The following ZNF875 variants were observed in gnomAD, a reference collection of about 807,000 sequenced individuals.
ZNF875 encodes HKR1, GLI-Kruppel zinc finger family member.
In ZNF875, 14 loss-of-function variants were observed where a neutral mutation model predicts 11.2. The ratio of observed to expected loss-of-function variants is 1.26; its 90% CI spans 0.83 to 1.96. ZNF875 has a LOEUF of 1.96. Among genes scored for constraint, ZNF875 ranks in the 30% most tolerant of loss-of-function variants. The pLI is 0.00. For synonymous variants in ZNF875, 301 were observed against 281.1 expected (o/e 1.07, Z -0.71); for missense variants, 752 against 760.4 (o/e 0.99, Z 0.13).
upstream of ZNF875, chr19:37,334,550 C>T (rs1599944294): frequency 2.7e-6 from 1 of 371,062 alleles, no homozygotes; most frequent in Non-Finnish European, 5.4e-6. Context: ...AAGCCGACTT[C>T]TCCGCCTCTG....
At chr19:37,361,047 ACTT>A (rs1431260662) in intron 4 of ZNF875, among the ~76,000 whole-genome samples, 1 of 148,726 alleles carries the variant, frequency 6.7e-6, no homozygotes, top group Non-Finnish European at 1.5e-5. Flanking sequence ...GATTTTTTTT[ACTT>A]CTTCCTTTCT....
chr19:37,360,606 CAAT>C (rs1327469361), intron 4 of ZNF875, among the ~76,000 whole-genome samples: 2 of 152,134 alleles, frequency 1.3e-5, no homozygotes, highest in East Asian at 3.8e-4. Context: ...CTTCATTCAA[CAAT>C]GTTTGTTAAT....
chr19:37,361,100 T>G (rs1361536345), intron 4 of ZNF875, among the ~76,000 whole-genome samples: 1 of 150,156 alleles, frequency 6.7e-6, no homozygotes, highest in African/African-American at 2.5e-5. Flanking sequence ...TCATTTTGTT[T>G]GTCTTCTCCT....
At chr19:37,334,194 A>G (rs2033821616), upstream of ZNF875, among the ~76,000 whole-genome samples, 1 of 152,124 alleles carries the variant, frequency 6.6e-6, no homozygotes, top group Non-Finnish European at 1.5e-5. Flanking sequence ...CTAGGGGACA[A>G]AGGGCCGGTG....
chr19:37,358,815 G>A (rs144030874), intron 4 of ZNF875, among the ~76,000 whole-genome samples: 98 of 152,092 alleles, frequency 6.4e-4, no homozygotes, highest in African/African-American at 2.3e-3. Context: ...TACCGCGCCT[G>A]GCCAGTTCTC....
upstream of ZNF875, among the ~76,000 whole-genome samples, chr19:37,314,576 G>T (rs1467281883): frequency 1.3e-5 from 2 of 152,102 alleles, no homozygotes; most frequent in African/African-American, 2.4e-5. Context: ...TGCAATCTCA[G>T]AACTTTGGGA....
chr19:37,347,788 TC>T lies in ZNF875; in HGVS notation c.173del (p.Ser58LeufsTer42). The T allele has an allele frequency of 6.2e-7, 1 of 1,612,338 alleles. No homozygotes were observed. Among genetic ancestry groups the T allele is most frequent in the South Asian group, 1.1e-5 (1 of 91,040 alleles). On this transcript the variant is annotated frameshift_variant, in exon 4 of 5. Coordinates refer to ENST00000392153, the MANE Select transcript of ZNF875 (RefSeq NM_001353803.2). LOFTEE classifies it high-confidence loss of function. Reference protein sequence around the residue: ...NHLVSLEIPSSKPKLIAQLER... With the variant: ...NHLVSLEIPSXKPKLIAQLER... Reference sequence around the variant, plus strand: ...TTCCCTATGAACAGAAATTCCATCTTCTAAACCAAAACTCATTGCTCAGCTG... The same window carrying T: ...TTCCCTATGAACAGAAATTCCATCTTTAAACCAAAACTCATTGCTCAGCTG...
intron 4 of ZNF875, chr19:37,358,501 A>G (rs2146597155): frequency 6.8e-6 from 1 of 147,414 alleles, no homozygotes; most frequent in East Asian, 2.0e-4. Context: ...TTTAGAATAC[A>G]ATTCCTCAGT....
intron 4 of ZNF875, among the ~76,000 whole-genome samples, chr19:37,350,234 C>T (rs943326007): frequency 2.7e-5 from 4 of 150,686 alleles, no homozygotes; most frequent in African/African-American, 7.3e-5. Context: ...GCCTCAGCCT[C>T]CCGAGTAGCT....
Position 37,363,014 on chromosome 19 carries a change from C to T in ZNF875, c.1162C>T (p.His388Tyr). 6.2e-7 allele frequency: 1 copy of T among 1,614,252 alleles called. No homozygotes were observed. Among genetic ancestry groups the T allele is most frequent in the Non-Finnish European group, 8.5e-7 (1 of 1,180,050 alleles). ...ACACCTGGTCAGACACAAGAGGACA[C>T]ATTCAGGAGAGAAGCCTTACATTTG... ...HSHLVRHKRT[H>Y]SGEKPYICRE... Residue 388 changes from histidine (H) to tyrosine (Y), a missense_variant, in exon 5 of 5, where the codon CAT becomes TAT. By Grantham distance (83) the His-to-Tyr change is moderately conservative. Coordinates refer to ENST00000392153, the MANE Select transcript of ZNF875 (RefSeq NM_001353803.2).
chr19:37,356,105 G>T (rs759599835), intron 4 of ZNF875, among the ~76,000 whole-genome samples: 1 of 152,176 alleles, frequency 6.6e-6, no homozygotes, highest in African/African-American at 2.4e-5. Context: ...CAGAGGACAT[G>T]ATTTCATTCT....
Position 37,362,877 on chromosome 19 carries a change from A to T in ZNF875, c.1025A>T (p.Glu342Val). 1 of 1,614,192 alleles carries T rather than the reference A, an allele frequency of 6.2e-7. No individual in the cohort carries two copies. The highest frequency in any genetic ancestry group is 1.1e-5 in the South Asian group (1 of 91,086). ...HSGLKPYVCK[E>V]CGQSFSLKSN... ...GGGCTCAAGCCTTATGTGTGCAAGG[A>T]ATGTGGGCAGAGCTTTAGCCTGAAG... Residue 342 changes from glutamate to valine, a missense_variant, in exon 5 of 5, where the codon GAA becomes GTA. Physicochemically the swap from Glu to Val is moderately radical, Grantham distance 121. Coordinates refer to ENST00000392153, the MANE Select transcript of ZNF875 (RefSeq NM_001353803.2).
chr19:37,334,726 T>A lies in ZNF875; in HGVS notation c.-113T>A, dbSNP rs1375650725. On this transcript the variant is annotated 5_prime_UTR_variant, in exon 1 of 5. Transcript: ENST00000392153. ...TCCCTCTTAAGGTCTTTCCCACACC[T>A]CTGCACCTTGTTACCTGACTTTCGG... 2.2e-6 allele frequency: 1 copy of A among 456,118 alleles called. No homozygotes were observed. The allele number at this position is 456,118 out of a possible 1,614,324, so 28.3% of individuals were successfully genotyped here. A position where few individuals can be genotyped will look rare whatever the true frequency, so the allele number is the denominator to read the frequency against.
intron 4 of ZNF875, chr19:37,359,593 G>A (rs376270997): frequency 2.1e-4 from 43 of 209,270 alleles, no homozygotes; most frequent in Middle Eastern, 1.9e-3. Context: ...TAGTAGAGAC[G>A]GGGTTTCACC....
chr19:37,333,705 C>G (rs1885575420), upstream of ZNF875, among the ~76,000 whole-genome samples: 1 of 152,100 alleles, frequency 6.6e-6, no homozygotes, highest in Non-Finnish European at 1.5e-5. Context: ...AAGGGACTTT[C>G]TGGCTGCTTG....
intron 4 of ZNF875, chr19:37,357,894 A>C (rs997576034): frequency 5.0e-6 from 2 of 398,230 alleles, no homozygotes; most frequent in Non-Finnish European, 8.9e-6. Flanking sequence ...TGCTTTCTCT[A>C]GGACTTCCAG....
chr19:37,321,188 C>T (rs538557860), intron 1 of ZNF875, among the ~76,000 whole-genome samples: 1 of 152,146 alleles, frequency 6.6e-6, no homozygotes, highest in South Asian at 2.1e-4. Flanking sequence ...CCTGACGTTC[C>T]CCCAGCCCGA....
In ZNF875 at chr19:37,355,272, C is replaced by T. The variant is rs11668217; in HGVS notation, c.257-6837C>T. ...TGGCACGATCTCGGCTCACTGCAAC[C>T]TCCGCCTCCTGGGTTCAAGCGATTC... On this transcript the variant is annotated intron_variant, in intron 4 of 4. Coordinates refer to ENST00000392153, the MANE Select transcript of ZNF875 (RefSeq NM_001353803.2). Among the ~76,000 whole-genome samples, 949 of 152,310 alleles carry T rather than the reference C, an allele frequency of 6.2e-3. 6 individuals are homozygous for T. Among genetic ancestry groups the T allele is most frequent in the South Asian group, 0.024 (116 of 4,828 alleles).
Position 37,344,890 on chromosome 19 carries a change from C to A in ZNF875, c.34-2300C>A, listed in dbSNP as rs566183834. 5.5e-6 allele frequency: 4 copies of A among 724,978 alleles called. No homozygotes were observed. In the South Asian group the frequency reaches 5.9e-5, roughly 11 times the overall value. The allele number at this position is 724,978 out of a possible 1,614,324, so 44.9% of individuals were successfully genotyped here. A position where few individuals can be genotyped will look rare whatever the true frequency, so the allele number is the denominator to read the frequency against. On this transcript the variant is annotated intron_variant, in intron 2 of 4. Transcript: ENST00000392153. The stretch of plus-strand genomic sequence containing the variant: ...GAGAAGGGGTTGTAAAAGCAAATCA[C>A]AACAGGGACTAGGCAGATACCTGAA...
Sources: allele counts gnomAD v4.1 joint callset (sites outside exome capture counted in the v4.1 genomes callset), GRCh38; gene constraint gnomAD v4.1.1; transcripts MANE v1.5; gene names NCBI Gene and HGNC (gene_info 2026-07-23, HGNC 2026-07-21).